NELL1: variants seen among roughly 807,000 people sequenced by gnomAD.
NELL1 encodes neural EGFL like 1, also known as protein kinase C-binding protein NELL1.
A neutral mutation model predicts 107.4 loss-of-function variants in NELL1; 76 were observed. The ratio of observed to expected loss-of-function variants is 0.71; its 90% CI spans 0.59 to 0.86. The LOEUF is 0.86. Ranked by LOEUF, NELL1 falls within the 40% of genes least tolerant of loss-of-function variation. The pLI is 0.00. For synonymous variants in NELL1, 353 were observed against 341.2 expected (o/e 1.03, Z -0.38); for missense variants, 1,024 against 1,005.5 (o/e 1.02, Z -0.25).
intron 15 of NELL1, among the ~76,000 whole-genome samples, chr11:21,379,423 G>A (rs561044293): frequency 1.4e-4 from 22 of 152,132 alleles, no homozygotes; most frequent in African/African-American, 5.1e-4. Flanking sequence ...ACCTCTCACA[G>A]TATCCAAGTG....
At chr11:20,794,958 C>T (rs1199840991) in intron 3 of NELL1, among the ~76,000 whole-genome samples, 1 of 152,192 alleles carries the variant, frequency 6.6e-6, no homozygotes, top group Non-Finnish European at 1.5e-5. Context: ...CATGCCCCTG[C>T]CTTTTCCAAA....
intron 14 of NELL1, among the ~76,000 whole-genome samples, chr11:21,273,093 T>A (rs1043628288): frequency 6.6e-6 from 1 of 151,980 alleles, no homozygotes; most frequent in Admixed American, 6.6e-5. Context: ...CTTCAGACGA[T>A]CAAACTACTC....
At position 20,971,926 on chromosome 11, in the gene NELL1, C is replaced by T. The variant is rs192119332; in HGVS notation, c.1300+11366C>T. Among the ~76,000 whole-genome samples the T allele has an allele frequency of 4.7e-4, 71 of 150,352 alleles. 2 individuals carry two copies. The highest frequency in any genetic ancestry group is 3.4e-3 in the South Asian group (16 of 4,766). On this transcript the variant is annotated intron_variant, in intron 12 of 19. Transcript: ENST00000357134. The stretch of plus-strand genomic sequence containing the variant: ...CATCCTCAACAAACTAACACAGGAA[C>T]AGAAAACCAAACACCGCATGTTCTC...
intron 13 of NELL1, among the ~76,000 whole-genome samples, chr11:21,219,241 G>C (rs1280900880): frequency 1.3e-5 from 2 of 152,064 alleles, no homozygotes; most frequent in Non-Finnish European, 1.5e-5. Flanking sequence ...ATGATGTTGA[G>C]CATTTTAAAA....
At chr11:20,879,067 G>C (rs2134098005) in intron 4 of NELL1, among the ~76,000 whole-genome samples, 2 of 152,266 alleles carry the variant, frequency 1.3e-5, no homozygotes, top group East Asian at 3.9e-4. Context: ...TCCAGACCCG[G>C]AAGATAATTG....
chr11:20,766,709 G>A (rs1221967410), intron 2 of NELL1, among the ~76,000 whole-genome samples: 2 of 151,796 alleles, frequency 1.3e-5, no homozygotes, highest in Admixed American at 1.3e-4. Context: ...TACCTTTAAA[G>A]GAGGCTTTAA....
intron 4 of NELL1, among the ~76,000 whole-genome samples, chr11:20,853,449 A>G (rs1483846946): frequency 6.6e-6 from 1 of 152,100 alleles, no homozygotes; most frequent in African/African-American, 2.4e-5. Context: ...TCATTCATTC[A>G]CTCATTCATA....
chr11:21,487,515 C>T (rs117698640), intron 15 of NELL1, among the ~76,000 whole-genome samples: 2,300 of 152,084 alleles, frequency 0.015, 36 homozygotes, highest in Non-Finnish European at 0.024. Flanking sequence ...AACTGTAATA[C>T]TGACAGGTAA....
At chr11:21,001,151 C>T (rs530365550) in intron 12 of NELL1, among the ~76,000 whole-genome samples, 1 of 152,300 alleles carries the variant, frequency 6.6e-6, no homozygotes, top group Admixed American at 6.5e-5. Context: ...AAGTTTTCTC[C>T]TATCCCATCA....
At chr11:21,165,755 G>T (rs1352004450) in intron 13 of NELL1, among the ~76,000 whole-genome samples, 2 of 135,940 alleles carry the variant, frequency 1.5e-5, no homozygotes, top group East Asian at 2.2e-4. Flanking sequence ...AAAACAATGA[G>T]ATCTTTTTTT....
intron 14 of NELL1, among the ~76,000 whole-genome samples, chr11:21,345,396 C>G (rs1850662173): frequency 6.6e-6 from 1 of 152,124 alleles, no homozygotes; most frequent in African/African-American, 2.4e-5. Context: ...AACATTTTCT[C>G]AAAGCTTTAC....
intron 17 of NELL1, among the ~76,000 whole-genome samples, chr11:21,563,266 G>A (rs1856893265): frequency 6.6e-6 from 1 of 152,024 alleles, no homozygotes; most frequent in South Asian, 2.1e-4. Flanking sequence ...TTTTCAGCCT[G>A]TGCTACATGG....
intron 14 of NELL1, among the ~76,000 whole-genome samples, chr11:21,283,096 A>T (rs1026625326): frequency 6.6e-6 from 1 of 152,084 alleles, no homozygotes; most frequent in Non-Finnish European, 1.5e-5. Context: ...AATGAATAAG[A>T]CCTAGTATTC....
At chr11:21,328,324 CT>C (rs1850192395) in intron 14 of NELL1, among the ~76,000 whole-genome samples, 1 of 152,126 alleles carries the variant, frequency 6.6e-6, no homozygotes, top group Non-Finnish European at 1.5e-5. Flanking sequence ...GGGTGCAAGC[CT>C]TCAGCCTTGG....
intron 14 of NELL1, among the ~76,000 whole-genome samples, chr11:21,337,838 T>TGC (rs1565175613): frequency 0.22 from 787 of 3,502 alleles, 22 homozygotes; most frequent in African/African-American, 0.31. Context: ...CTTTCTTTCT[T>TGC]TTCTTTCTTT....
chr11:21,538,110 AC>A (rs535869905), intron 16 of NELL1, among the ~76,000 whole-genome samples: 113 of 152,140 alleles, frequency 7.4e-4, no homozygotes, highest in African/African-American at 2.4e-3. Context: ...ATCTAAAATA[AC>A]CCTTACAATT....
At chr11:21,133,063 A>G (rs1195064029) in intron 13 of NELL1, among the ~76,000 whole-genome samples, 2 of 152,080 alleles carry the variant, frequency 1.3e-5, no homozygotes, top group African/African-American at 2.4e-5. Context: ...CTTAGACGGA[A>G]GTGAGGATAG....
chr11:21,122,450 A>G (rs956628997), intron 13 of NELL1, among the ~76,000 whole-genome samples: 1 of 152,220 alleles, frequency 6.6e-6, no homozygotes, highest in Non-Finnish European at 1.5e-5. Context: ...TCGTAAAGAC[A>G]TGGTACATGC....
At position 21,417,693 on chromosome 11, in the gene NELL1, A is replaced by G. The variant is rs191206511; in HGVS notation, c.1645+46745A>G. ...GATCTTCAGCAGTAGATGATTGTCA[A>G]AAGCAACTTCCTTCTCATCCCCATT... On this transcript the variant is annotated intron_variant, in intron 15 of 19. Transcript: ENST00000357134. Among the ~76,000 whole-genome samples, 254 of 152,164 alleles carry G rather than the reference A, an allele frequency of 1.7e-3. 2 individuals carry two copies. The highest frequency in any genetic ancestry group is 4.7e-3 in the African/African-American group (194 of 41,544).
Sources: allele counts gnomAD v4.1 joint callset (sites outside exome capture counted in the v4.1 genomes callset), GRCh38; gene constraint gnomAD v4.1.1; transcripts MANE v1.5; gene names NCBI Gene and HGNC (gene_info 2026-07-23, HGNC 2026-07-21).